ZNF503: variants seen among roughly 807,000 people sequenced by gnomAD.
ZNF503 encodes the protein zinc finger protein 503, also known as NocA-like zinc finger 2.
A neutral mutation model predicts 34.4 loss-of-function variants in ZNF503; 15 were observed. That is an observed-to-expected ratio of 0.44 (90% CI 0.29 to 0.67). The LOEUF (loss-of-function observed/expected upper bound fraction) is 0.67, where lower values mean the gene tolerates loss of function less well. Ranked by LOEUF, ZNF503 falls within the 30% of genes least tolerant of loss-of-function variation. The pLI, the probability that ZNF503 is intolerant of heterozygous loss-of-function variation, is 0.13. For missense variants in ZNF503, 1,007 were observed against 926.8 expected (o/e 1.09, Z -1.12); for synonymous variants, 580 against 456.8 (o/e 1.27, Z -3.44).
the ZNF503 span, among the ~76,000 whole-genome samples, chr10:75,315,869 C>T: frequency 6.6e-6 from 1 of 152,118 alleles, no homozygotes; most frequent in Non-Finnish European, 1.5e-5. Context: ...AGGACACACA[C>T]AGATTGAAAG....
the ZNF503 span, among the ~76,000 whole-genome samples, chr10:75,383,761 C>G: frequency 6.6e-6 from 1 of 152,226 alleles, no homozygotes. Context: ...TGAGCCAGCC[C>G]TGTGCTAAGT....
At chr10:75,381,871 A>G in the ZNF503 span, among the ~76,000 whole-genome samples, 11 of 124,854 alleles carry the variant, frequency 8.8e-5, no homozygotes, top group Admixed American at 1.0e-4. Flanking sequence ...GCTGGGCACA[A>G]TCTCTGCTCA....
chr10:75,289,926 C>A, the ZNF503 span, among the ~76,000 whole-genome samples: 7 of 152,282 alleles, frequency 4.6e-5, no homozygotes, highest in East Asian at 1.4e-3. Context: ...GCTATGCAGC[C>A]ATCACCACCA....
At chr10:75,362,797 G>T in the ZNF503 span, among the ~76,000 whole-genome samples, 1 of 152,082 alleles carries the variant, frequency 6.6e-6, no homozygotes, top group South Asian at 2.1e-4. Context: ...TTAGAGTCAG[G>T]CCCTGTGCGA....
At chr10:75,349,226 C>G in the ZNF503 span, among the ~76,000 whole-genome samples, 1 of 152,176 alleles carries the variant, frequency 6.6e-6, no homozygotes. Flanking sequence ...AATCAATAAT[C>G]CAATCTTCGG....
chr10:75,283,753 A>G, the ZNF503 span: 1 of 152,388 alleles, frequency 6.6e-6, no homozygotes. Flanking sequence ...AGGGAGTTAA[A>G]GTTCTAATGC....
the ZNF503 span, among the ~76,000 whole-genome samples, chr10:75,310,625 G>C: frequency 6.6e-6 from 1 of 152,168 alleles, no homozygotes; most frequent in Admixed American, 6.5e-5. Flanking sequence ...ATCAGAAAAT[G>C]CTAAGTAAGG....
chr10:75,370,059 A>AGAAT, the ZNF503 span, among the ~76,000 whole-genome samples: 33 of 142,778 alleles, frequency 2.3e-4, no homozygotes, highest in African/African-American at 8.3e-4. Flanking sequence ...ACTACATGTC[A>AGAAT]AAATAAATAA....
the ZNF503 span, among the ~76,000 whole-genome samples, chr10:75,318,550 T>C: frequency 6.6e-6 from 1 of 151,628 alleles, no homozygotes; most frequent in Admixed American, 6.6e-5. Flanking sequence ...ATGCCTGTAG[T>C]ACCAGCTGCT....
At chr10:75,358,522 C>A in the ZNF503 span, 29 of 152,266 alleles carry the variant, frequency 1.9e-4, no homozygotes, top group Admixed American at 1.7e-3. Context: ...CTTTAATCAG[C>A]ATTTAATGAC....
rs1346318245 is a variant in ZNF503, at chr10:75,399,488, G to A, written c.1202C>T (p.Ser401Phe). 1 of 1,571,784 alleles carries A rather than the reference G, an allele frequency of 6.4e-7. No individual in the cohort carries two copies. The highest frequency in any genetic ancestry group is 1.8e-5 in the Admixed American group (1 of 56,746). The change falls in exon 2 of 2, where the codon TCT becomes TTT. Residue 401 changes from serine to phenylalanine, a missense_variant. Ser to Phe is a radical substitution (Grantham distance 155). Coordinates refer to ENST00000372524, the MANE Select transcript of ZNF503 (RefSeq NM_032772.6). ...GCCGGCCGGCTTACTGCAGCCCAGA[G>A]ACCCGGCCGCGGCCGCCGCCAGCTG... ...GAQLAAAAAG[S>F]LGCSKPAGSS... is the part of the protein sequence containing the mutation.
the ZNF503 span, chr10:75,298,825 T>C: frequency 6.6e-6 from 1 of 152,128 alleles, no homozygotes; most frequent in East Asian, 1.9e-4. Flanking sequence ...GGTTTCACCT[T>C]GTTGCCCAGG....
At chr10:75,370,778 CAAAAAAAAAAAAAAAAAAAAA>C in the ZNF503 span, among the ~76,000 whole-genome samples, 19 of 67,972 alleles carry the variant, frequency 2.8e-4, no homozygotes, top group South Asian at 1.3e-3. Context: ...GGCTCCATCT[CAAAAAAAAAAAAAAAAAAAAA>C]AAAAAAAAAA....
In ZNF503 at chr10:75,400,831, G is replaced by A. The variant is rs116581827; in HGVS notation, c.315+274C>T. ...GTATTTCAGACCTCCGCCTGCCTTC[G>A]GTGCCGAGTGAAGGGGCCTGGGTCG... On this transcript the variant is annotated intron_variant, in intron 1 of 1. Coordinates refer to ENST00000372524, the MANE Select transcript of ZNF503 (RefSeq NM_032772.6). Among the ~76,000 whole-genome samples, 763 of 152,326 alleles carry A rather than the reference G, an allele frequency of 5.0e-3. 10 individuals carry two copies. The highest frequency in any genetic ancestry group is 0.018 in the African/African-American group (738 of 41,554).
Position 75,401,569 on chromosome 10 carries a change from G to A in ZNF503, c.-150C>T, listed in dbSNP as rs1016174408. 4.3e-6 allele frequency: 4 copies of A among 925,340 alleles called. No individual in the cohort carries two copies. Among genetic ancestry groups the A allele is most frequent in the African/African-American group, 3.5e-5 (2 of 57,288 alleles). 57.3% of individuals were successfully genotyped at this position (925,340 alleles called of 1,614,324 possible). ...CGGGCGCCCAGCGCGCCTTCTCGGC[G>A]CCTGGAGCCAGACGCGAGTAATCCT... On this transcript the variant is annotated 5_prime_UTR_variant, in exon 1 of 2. Coordinates refer to ENST00000372524, the MANE Select transcript of ZNF503 (RefSeq NM_032772.6).
At chr10:75,375,184 A>G in the ZNF503 span, among the ~76,000 whole-genome samples, 1 of 152,128 alleles carries the variant, frequency 6.6e-6, no homozygotes, top group Non-Finnish European at 1.5e-5. Context: ...GCAGTGGTGC[A>G]ATCTCAGCTC....
the ZNF503 span, among the ~76,000 whole-genome samples, chr10:75,340,138 G>A: frequency 1.3e-5 from 2 of 148,684 alleles, no homozygotes; most frequent in East Asian, 4.0e-4. Context: ...CACCTGAATG[G>A]GGGCCTGGTG....
the ZNF503 span, among the ~76,000 whole-genome samples, chr10:75,284,218 C>G: frequency 6.6e-6 from 1 of 152,060 alleles, no homozygotes; most frequent in East Asian, 1.9e-4. Context: ...AAAGACCGCC[C>G]AACCCCAGCC....
the ZNF503 span, among the ~76,000 whole-genome samples, chr10:75,320,687 C>T: frequency 6.6e-6 from 1 of 151,936 alleles, no homozygotes; most frequent in Non-Finnish European, 1.5e-5. Context: ...AAAAAGAATA[C>T]AGCAATATAG....
Sources: allele counts gnomAD v4.1 joint callset (sites outside exome capture counted in the v4.1 genomes callset), GRCh38; gene constraint gnomAD v4.1.1; transcripts MANE v1.5; gene names NCBI Gene and HGNC (gene_info 2026-07-23, HGNC 2026-07-21).